Variants in EIF2B5 observed in about 807,000 individuals in gnomAD.
The protein encoded by EIF2B5 is translation initiation factor eIF2B subunit epsilon.
In EIF2B5, 38 loss-of-function variants were observed where a neutral mutation model predicts 87.3. The ratio of observed to expected loss-of-function variants is 0.44; its 90% CI spans 0.34 to 0.57. EIF2B5 has a LOEUF of 0.57. Among genes scored for constraint, EIF2B5 ranks in the 20% least tolerant of loss-of-function variants. The pLI is 0.02. For missense variants in EIF2B5, 784 were observed against 909.5 expected (o/e 0.86, Z 1.78); for synonymous variants, 313 against 339.6 (o/e 0.92, Z 0.86).
Position 184,142,000 on chromosome 3 carries a change from C to T in EIF2B5, c.1232C>T (p.Ser411Phe), listed in dbSNP as rs1713656249. The stretch of plus-strand genomic sequence containing the variant: ...GCGGCTGGAGCACAGATCCATCAGT[C>T]TCTGCTTTGTGACAATGCTGAGGTC... ...RVAAGAQIHQ[S>F]LLCDNAEVKE... The change falls in exon 8 of 16, where the codon TCT becomes TTT. Residue 411 changes from serine (S) to phenylalanine (F), a missense_variant. This residue lies in a region of EIF2B5 where 660 missense variants were observed against 789.5 expected (regional missense o/e 0.84). Transcript: ENST00000648915. The T allele has an allele frequency of 6.2e-7, 1 of 1,614,126 alleles. No individual in the cohort carries two copies. The highest frequency in any genetic ancestry group is 8.5e-7 in the Non-Finnish European group (1 of 1,180,020).
At position 184,142,425 on chromosome 3, in the gene EIF2B5, A is replaced by C; in HGVS notation, c.1444+47A>C. 6.2e-7 allele frequency: 1 copy of C among 1,614,196 alleles called. No individual in the cohort carries two copies. The highest frequency in any genetic ancestry group is 1.1e-5 in the South Asian group (1 of 91,084). ...GGGCATCTGTGTGTCTCGCTGCCTC[A>C]TAGAAGAACCAGTGTTTCCTCCTGG... On this transcript the variant is annotated intron_variant, in intron 9 of 15. Coordinates refer to ENST00000648915, the MANE Select transcript of EIF2B5 (RefSeq NM_003907.3). The surrounding 1 kb of genome is among the most constrained non-coding windows in gnomAD (Gnocchi z 5.0).
Position 184,143,133 on chromosome 3 carries a change from A to G in EIF2B5, c.1736A>G (p.Asn579Ser), listed in dbSNP as rs1164374877. ...TGTGACAATCTCGTCCTGGAAATCA[A>G]CTCTCTCAAGTAAGAGCAGCCCCTC... ...ISCDNLVLEINSLKYAYNISL... is the reference protein window; with the variant it reads ...ISCDNLVLEISSLKYAYNISL... Residue 579 changes from asparagine to serine, a missense_variant, in exon 12 of 16, where the codon AAC becomes AGC. Physicochemically the swap from Asn to Ser is conservative, Grantham distance 46 (BLOSUM62 1). This residue lies in a region of EIF2B5 where 660 missense variants were observed against 789.5 expected (regional missense o/e 0.84). Transcript: ENST00000648915. 1.1e-5 allele frequency: 18 copies of G among 1,613,340 alleles called. No individual in the cohort carries two copies. The highest frequency in any genetic ancestry group is 1.5e-5 in the Non-Finnish European group (18 of 1,179,722).
At chr3:184,141,622 G>A (rs1713638348) in intron 7 of EIF2B5, among the ~76,000 whole-genome samples, 1 of 152,084 alleles carries the variant, frequency 6.6e-6, no homozygotes, top group African/African-American at 2.4e-5. Flanking sequence ...GGAATTATTT[G>A]GTTCTGCTTG....
At position 184,145,256 on chromosome 3, in the gene EIF2B5, G is replaced by A; in HGVS notation, c.*313G>A. 2.1e-6 allele frequency: 1 copy of A among 481,676 alleles called. No individual in the cohort carries two copies. The highest frequency in any genetic ancestry group is 3.8e-6 in the Non-Finnish European group (1 of 261,916). 29.8% of individuals were successfully genotyped at this position (481,676 alleles called of 1,614,324 possible). On this transcript the variant is annotated 3_prime_UTR_variant, in exon 16 of 16. Coordinates refer to ENST00000648915, the MANE Select transcript of EIF2B5 (RefSeq NM_003907.3). The surrounding 1 kb of genome is among the most constrained non-coding windows in gnomAD (Gnocchi z 4.0). ...GCTTTCCCTCAGGGAACAGCAGAGA[G>A]CAGTTGGCTCTTTCTGCTGCTTGTA...
Position 184,138,025 on chromosome 3 carries a change from G to A in EIF2B5, c.634G>A (p.Val212Ile). 1 of 1,614,172 alleles carries A rather than the reference G, an allele frequency of 6.2e-7. No homozygotes were observed. Among genetic ancestry groups the A allele is most frequent in the East Asian group, 2.2e-5 (1 of 44,884 alleles). Residue 212 changes from valine (V) to isoleucine (I), a missense_variant, in exon 4 of 16, where the codon GTT becomes ATT. This residue lies in a region of EIF2B5 where 660 missense variants were observed against 789.5 expected (regional missense o/e 0.84). Coordinates refer to ENST00000648915, the MANE Select transcript of EIF2B5 (RefSeq NM_003907.3). Reference protein sequence around the residue: ...VVAVDSTTNRVLHFQKTQGLR... With the variant: ...VVAVDSTTNRILHFQKTQGLR... ...GGCTGTGGATAGTACCACAAACAGG[G>A]TTCTCCATTTTCAGAAGACCCAGGG... is the stretch of plus-strand genomic sequence containing the variant.
chr3:184,138,108 G>A (rs201561546), intron 4 of EIF2B5, 33 bp downstream of exon 4: 3 of 1,614,050 alleles, frequency 1.9e-6, no homozygotes, highest in African/African-American at 2.7e-5. Context: ...TTGAGATGGG[G>A]AAGTGACAGG....
chr3:184,144,842 T>C (rs760321034), intron 15 of EIF2B5, 42 bp from the exon 16 acceptor site: 6 of 1,608,550 alleles, frequency 3.7e-6, no homozygotes, highest in Admixed American at 1.7e-5. Context: ...AGGAGAGTTA[T>C]GTGCACCTCC....
At chr3:184,136,899 A>T in intron 2 of EIF2B5, 163 bp downstream of exon 2, 3 of 983,098 alleles carry the variant, frequency 3.1e-6, no homozygotes, top group Non-Finnish European at 4.7e-6. Flanking sequence ...TGAGCAGCTG[A>T]AACTTTGTAT....
At chr3:184,143,990 T>C in intron 13 of EIF2B5, 109 bp from the exon 14 acceptor site, 1 of 1,516,880 alleles carries the variant, frequency 6.6e-7, no homozygotes, top group South Asian at 1.1e-5. Context: ...CCACAGAACC[T>C]GTATCATCTC....
intron 7 of EIF2B5, 51 bp downstream of exon 7, chr3:184,140,781 G>C (rs1450634050): frequency 3.7e-6 from 6 of 1,601,198 alleles, no homozygotes; most frequent in Non-Finnish European, 5.1e-6. Context: ...AGGAACCTGG[G>C]GGGGCCACGT....
Position 184,135,499 on chromosome 3 carries a change from AC to A in EIF2B5, c.116del (p.Pro39ArgfsTer37). On this transcript the variant is annotated frameshift_variant, in exon 1 of 16. Transcript: ENST00000648915. LOFTEE classifies it high-confidence loss of function. ...GGGARGAEEE[P>X]PPPLQAVLVA... ...GGGGAGCCAGAGGGGCGGAGGAGGA[AC>A]CGCCGCCGCCCCTACAAGCAGTTCT... 6.3e-7 allele frequency: 1 copy of A among 1,578,816 alleles called. No individual in the cohort carries two copies. The highest frequency in any genetic ancestry group is 8.6e-7 in the Non-Finnish European group (1 of 1,163,734).
At chr3:184,136,537 G>C (rs1713367786) in intron 1 of EIF2B5, 75 bp from the exon 2 acceptor site, 1 of 1,567,706 alleles carries the variant, frequency 6.4e-7, no homozygotes, top group Non-Finnish European at 8.8e-7. Flanking sequence ...TACGAATAGA[G>C]GAGTGAAAAT....
At chr3:184,138,933 A>T in intron 5 of EIF2B5, 1 of 274,296 alleles carries the variant, frequency 3.6e-6, no homozygotes, top group Non-Finnish European at 7.3e-6. Context: ...AAATGCTGGG[A>T]TTACAGGCAT....
At position 184,135,463 on chromosome 3, in the gene EIF2B5, C is replaced by T. The variant is rs1233741499; in HGVS notation, c.78C>T (p.Gly26=). The part of the protein sequence containing the change: ...ANKRSGAGPG[G]SGGGGARGAE... ...AGCGCAGCGGCGCGGGGCCGGGAGG[C>T]AGCGGTGGCGGGGGAGCCAGAGGGG... Residue 26 remains glycine, a synonymous_variant, in exon 1 of 16, where the codon GGC becomes GGT. Coordinates refer to ENST00000648915, the MANE Select transcript of EIF2B5 (RefSeq NM_003907.3). 1.3e-6 allele frequency: 2 copies of T among 1,580,838 alleles called. No homozygotes were observed. The highest frequency in any genetic ancestry group is 1.9e-5 in the Admixed American group (1 of 53,388).
chr3:184,144,919 A>T lies in EIF2B5; in HGVS notation c.2142A>T (p.Glu714Asp). ...TCATCCAGTGGCTAAAAGAGGCAGA[A>T]GAGGAGTCATCTGAAGATGACTGAA... The part of the protein sequence containing the change: ...QRFIQWLKEA[E>D]EESSEDD The change falls in exon 16 of 16, where the codon GAA (glutamate) becomes GAT (aspartate). Residue 714 changes from glutamate (E) to aspartate (D), a missense_variant. Glu to Asp is a conservative substitution (Grantham distance 45, BLOSUM62 2). Coordinates refer to ENST00000648915, the MANE Select transcript of EIF2B5 (RefSeq NM_003907.3). 6.2e-7 allele frequency: 1 copy of T among 1,613,748 alleles called. No individual in the cohort carries two copies. The highest frequency in any genetic ancestry group is 8.5e-7 in the Non-Finnish European group (1 of 1,180,016).
intron 11 of EIF2B5, 30 bp from the exon 12 acceptor site, chr3:184,143,022 C>T (rs760647510): frequency 1.2e-6 from 2 of 1,604,602 alleles, no homozygotes; most frequent in South Asian, 1.1e-5. Flanking sequence ...ATGATGTTGG[C>T]CCATGAACTT....
intron 2 of EIF2B5, 96 bp from the exon 3 acceptor site, chr3:184,137,524 A>G (rs1713415149): frequency 1.6e-6 from 2 of 1,281,226 alleles, no homozygotes; most frequent in Admixed American, 3.4e-5. Context: ...AGCCATCGAG[A>G]AGGACTGTGA....
In EIF2B5 at chr3:184,144,867, C is replaced by T. The variant is rs1292015250; in HGVS notation, c.2107-17C>T. The stretch of plus-strand genomic sequence containing the variant: ...TGTGCACCTCCCCCAGCCGATCTCT[C>T]CTCTGCTTCTTTACAGCTGCAGAGG... On this transcript the variant is annotated splice_polypyrimidine_tract_variant and intron_variant, in intron 15 of 15. Transcript: ENST00000648915. The T allele has an allele frequency of 6.2e-7, 1 of 1,613,314 alleles. No individual in the cohort carries two copies. Among genetic ancestry groups the T allele is most frequent in the East Asian group, 2.2e-5 (1 of 44,880 alleles).
chr3:184,141,714 C>G (rs1465867837), intron 7 of EIF2B5, among the ~76,000 whole-genome samples: 2 of 152,164 alleles, frequency 1.3e-5, no homozygotes, highest in Admixed American at 6.5e-5. Flanking sequence ...TTCTTAAGCT[C>G]TGTGTGTAGT....
Sources: gnomAD v4.1 joint callset for allele counts (sites outside exome capture counted in the v4.1 genomes callset) on GRCh38, gnomAD v4.1.1 for gene constraint, gnomAD v4.1.1 regional missense constraint, Gnocchi (gnomAD v3.1) non-coding constraint, MANE v1.5 for transcripts, NCBI Gene and HGNC (gene_info 2026-07-23, HGNC 2026-07-21) for gene names.